The following DNAH17 variants were observed in gnomAD, a reference collection of about 807,000 sequenced individuals.
The protein encoded by DNAH17 is dynein axonemal heavy chain 17, also known as axonemal beta dynein heavy chain 17.
DNAH17 carries 376 observed loss-of-function variants against 485.6 expected under a neutral mutation model. The observed-to-expected ratio is 0.77, with a 90% CI of 0.71 to 0.84. The LOEUF (loss-of-function observed/expected upper bound fraction) is 0.84. Ranked by LOEUF, DNAH17 falls within the 40% of genes least tolerant of loss-of-function variation. DNAH17 has a pLI of 0.00. For missense variants in DNAH17, 6,370 were observed against 5,839.3 expected (o/e 1.09, Z -2.96); for synonymous variants, 3,031 against 2,405.9 (o/e 1.26, Z -7.60).
At chr17:78,573,583 A>G (rs548060057) in intron 2 of DNAH17, among the ~76,000 whole-genome samples, 2 of 145,888 alleles carry the variant, frequency 1.4e-5, no homozygotes, top group Non-Finnish European at 3.0e-5. Flanking sequence ...TGGACAACAG[A>G]GCAAAAATAC....
In DNAH17 at chr17:78,531,717, T is replaced by C. The variant is rs59090742; in HGVS notation, c.3114+765A>G. On this transcript the variant is annotated intron_variant, in intron 20 of 80. Coordinates refer to ENST00000389840, the MANE Select transcript of DNAH17 (RefSeq NM_173628.4). ...TTTCTGTTTGTGTGGAATCTCTTTTTCTATTCTTTTGCATTCAATCTGTCT... is the reference window on the plus strand; with the variant it reads ...TTTCTGTTTGTGTGGAATCTCTTTTCCTATTCTTTTGCATTCAATCTGTCT... Among the ~76,000 whole-genome samples the C allele has an allele frequency of 7.3e-3, 1,118 of 152,354 alleles. 19 individuals carry two copies. Among genetic ancestry groups the C allele is most frequent in the African/African-American group, 0.024 (1,003 of 41,576 alleles).
At chr17:78,562,313 A>G (rs1239363657) in intron 11 of DNAH17, among the ~76,000 whole-genome samples, 1 of 152,210 alleles carries the variant, frequency 6.6e-6, no homozygotes, top group East Asian at 1.9e-4. Flanking sequence ...GCTGAGCACC[A>G]TGGCTCACAC....
Position 78,480,048 on chromosome 17 carries a change from T to TTTTTTTTTA in DNAH17, c.7753-417_7753-416insTAAAAAAAA, listed in dbSNP as rs1568122402. On this transcript the variant is annotated intron_variant, in intron 49 of 80. Coordinates refer to ENST00000389840, the MANE Select transcript of DNAH17 (RefSeq NM_173628.4). Reference sequence around the variant, plus strand: ...TTTTTTTTTTTTTTTTTTTTTTTTTTTAAAAAAAGTATGTCCCAGGCCGGG... The same window carrying TTTTTTTTTA: ...TTTTTTTTTTTTTTTTTTTTTTTTTTTTTTTTTTATAAAAAAAGTATGTCCCAGGCCGGG... Among the ~76,000 whole-genome samples, 2 of 94,344 alleles carry TTTTTTTTTA rather than the reference T, an allele frequency of 2.1e-5. 1 individual carries two copies. The highest frequency in any genetic ancestry group is 1.2e-4 in the African/African-American group (2 of 16,190). The allele number at this position is 94,344 out of a possible 152,430, so 61.9% of individuals were successfully genotyped here. A position where few individuals can be genotyped will look rare whatever the true frequency, so the allele number is the denominator to read the frequency against.
intron 71 of DNAH17, among the ~76,000 whole-genome samples, chr17:78,442,817 G>A (rs2087126038): frequency 6.6e-6 from 1 of 152,222 alleles, no homozygotes. Flanking sequence ...GGGGTGGCCT[G>A]GCCTGCCCTC....
chr17:78,503,055 G>C, intron 31 of DNAH17, 44 bp from the exon 32 acceptor site: 1 of 1,577,546 alleles, frequency 6.3e-7, no homozygotes, highest in Non-Finnish European at 8.6e-7. Context: ...ATGTGTGCCT[G>C]CCTCTAGTTC....
chr17:78,433,112 C>T (rs763637096), intron 75 of DNAH17, among the ~76,000 whole-genome samples: 20 of 152,106 alleles, frequency 1.3e-4, no homozygotes, highest in Non-Finnish European at 2.4e-4. Context: ...ATTTGGAGGC[C>T]GAGAGTGAGG....
chr17:78,424,371 G>A, intron 80 of DNAH17: 1 of 522,184 alleles, frequency 1.9e-6, no homozygotes, highest in Non-Finnish European at 3.3e-6. Flanking sequence ...GAACAGCTCA[G>A]CTAAAGCCCT....
At chr17:78,443,052 C>A (rs1249141690) in intron 71 of DNAH17, among the ~76,000 whole-genome samples, 3 of 152,196 alleles carry the variant, frequency 2.0e-5, no homozygotes, top group Non-Finnish European at 4.4e-5. Context: ...ATGATCTGCG[C>A]TCATGGGTGT....
rs758113400 is a variant in DNAH17 at position 78,498,993 on chromosome 17, G to A, written c.5745+15C>T. ...CACCCGACGTGACCCCGAGGCCGCA[G>A]GCAGGGGACTTTACCTGCACGGCAA... On this transcript the variant is annotated intron_variant, in intron 37 of 80. Coordinates refer to ENST00000389840, the MANE Select transcript of DNAH17 (RefSeq NM_173628.4). 8 of 1,593,814 alleles carry A rather than the reference G, an allele frequency of 5.0e-6. No homozygotes were observed. The South Asian group carries it at 7.9e-5, about 16-fold the overall frequency.
chr17:78,470,569 A>T (rs2088702361), intron 54 of DNAH17, among the ~76,000 whole-genome samples: 1 of 152,002 alleles, frequency 6.6e-6, no homozygotes, highest in Non-Finnish European at 1.5e-5. Flanking sequence ...CGCACCTGTA[A>T]TCCCAGGTAC....
intron 55 of DNAH17, among the ~76,000 whole-genome samples, chr17:78,467,891 A>C (rs2088553839): frequency 6.6e-6 from 1 of 151,982 alleles, no homozygotes; most frequent in African/African-American, 2.4e-5. Flanking sequence ...GGTGGTGGGC[A>C]CCTGTAATCC....
intron 22 of DNAH17, among the ~76,000 whole-genome samples, chr17:78,529,240 A>G (rs958988318): frequency 6.6e-6 from 1 of 152,014 alleles, no homozygotes. Flanking sequence ...TAATCCAACA[A>G]AACACCAATG....
intron 75 of DNAH17, among the ~76,000 whole-genome samples, chr17:78,431,469 G>C (rs1173012204): frequency 2.1e-5 from 3 of 141,494 alleles, no homozygotes; most frequent in Non-Finnish European, 4.7e-5. Context: ...CGAGACTCCT[G>C]GGGGAGCTGT....
intron 69 of DNAH17, 148 bp from the exon 70 acceptor site, chr17:78,445,828 T>C: frequency 1.2e-6 from 1 of 827,342 alleles, no homozygotes; most frequent in South Asian, 1.8e-5. Flanking sequence ...TAAAGTTTTG[T>C]CTTCACCTCG....
intron 65 of DNAH17, 95 bp from the exon 66 acceptor site, chr17:78,451,768 G>A (rs1241551796): frequency 7.3e-6 from 8 of 1,093,484 alleles, no homozygotes; most frequent in African/African-American, 1.6e-5. Context: ...CCCCAGGCCA[G>A]GCCGCCACCT....
chr17:78,562,804 T>G (rs2092185393), intron 11 of DNAH17, among the ~76,000 whole-genome samples: 1 of 152,122 alleles, frequency 6.6e-6, no homozygotes, highest in Non-Finnish European at 1.5e-5. Flanking sequence ...AAAACCACCA[T>G]CAGGAAATGT....
chr17:78,438,073 G>A (rs1275857728), intron 73 of DNAH17, among the ~76,000 whole-genome samples: 3 of 152,124 alleles, frequency 2.0e-5, no homozygotes, highest in East Asian at 3.9e-4. Flanking sequence ...CGAAGCAACT[G>A]AGGCCCCAGA....
At position 78,543,990 on chromosome 17, in the gene DNAH17, G is replaced by A. The variant is rs141150806; in HGVS notation, c.2399C>T (p.Ser800Leu). 2.6e-5 allele frequency: 42 copies of A among 1,613,940 alleles called. No individual in the cohort carries two copies. Among genetic ancestry groups the A allele is most frequent in the East Asian group, 2.0e-4 (9 of 44,886 alleles). Residue 800 changes from serine (S) to leucine (L), a missense_variant, in exon 17 of 81, where the codon TCG (serine) becomes TTG (leucine). By Grantham distance (145) the Ser-to-Leu change is moderately radical. Coordinates refer to ENST00000389840, the MANE Select transcript of DNAH17 (RefSeq NM_173628.4). Reference protein sequence around the residue: ...EGISQAMKDWSANPLFERKDN... With the variant: ...EGISQAMKDWLANPLFERKDN... ...CTTTCTTTCAAACAGCGGGTTGGCCGACCAGTCCTGGAAGGAAAGCACAGG... is the reference window on the plus strand; with the variant it reads ...CTTTCTTTCAAACAGCGGGTTGGCCAACCAGTCCTGGAAGGAAAGCACAGG...
intron 14 of DNAH17, among the ~76,000 whole-genome samples, chr17:78,555,129 A>G (rs1407380811): frequency 6.6e-6 from 1 of 152,188 alleles, no homozygotes; most frequent in African/African-American, 2.4e-5. Flanking sequence ...GGTGCTTAGG[A>G]AAGAGAAATA....
Sources: allele counts gnomAD v4.1 joint callset (sites outside exome capture counted in the v4.1 genomes callset), GRCh38; gene constraint gnomAD v4.1.1; transcripts MANE v1.5; gene names NCBI Gene and HGNC (gene_info 2026-07-23, HGNC 2026-07-21).